Variants in SLC35F4 observed in about 807,000 individuals in gnomAD.
SLC35F4 encodes the protein chromosome 14 open reading frame 36.
A neutral mutation model predicts 44.2 loss-of-function variants in SLC35F4; 24 were observed. The observed-to-expected ratio is 0.54, with a 90% CI of 0.39 to 0.76. The LOEUF is 0.76. Among genes scored for constraint, SLC35F4 ranks in the 30% least tolerant of loss-of-function variants. The probability of loss-of-function intolerance (pLI) is 0.00; values close to 1 mark genes in which losing one functional copy is unlikely to be tolerated. For missense variants in SLC35F4, 562 were observed against 586.1 expected (o/e 0.96, Z 0.42); for synonymous variants, 238 against 223.6 (o/e 1.06, Z -0.57).
At chr14:57,648,586 G>A (rs1375721648) in intron 1 of SLC35F4, among the ~76,000 whole-genome samples, 11 of 152,070 alleles carry the variant, frequency 7.2e-5, no homozygotes, top group Admixed American at 6.6e-5. Flanking sequence ...AGGCTTCTCT[G>A]CAAAACTATA....
intron 1 of SLC35F4, among the ~76,000 whole-genome samples, chr14:57,791,200 C>T (rs796403239): frequency 3.5e-4 from 54 of 152,220 alleles, no homozygotes; most frequent in African/African-American, 1.3e-3. Flanking sequence ...AACAGGCAAT[C>T]TACAGAATGG....
At chr14:57,591,971 T>C (rs2070214513) in intron 2 of SLC35F4, among the ~76,000 whole-genome samples, 1 of 152,240 alleles carries the variant, frequency 6.6e-6, no homozygotes, top group Admixed American at 6.5e-5. Context: ...CACCTTTTCA[T>C]AGTATTGACT....
rs142447541 is a variant in SLC35F4, at chr14:57,684,632, G to C, written c.104-90508C>G. Among the ~76,000 whole-genome samples, 1,412 of 152,294 alleles carry C rather than the reference G, an allele frequency of 9.3e-3. 13 individuals carry two copies. The highest frequency in any genetic ancestry group is 0.014 in the Non-Finnish European group (971 of 68,028). On this transcript the variant is annotated intron_variant, in intron 1 of 7. Coordinates refer to ENST00000556826, the MANE Select transcript of SLC35F4 (RefSeq NM_001306087.2). ...CAGTGTGCAGCCAGGAGGTTGGGGA[G>C]CCTGGGGGTTTGGAACCTCTGCCCT... is the stretch of plus-strand genomic sequence containing the variant.
intron 1 of SLC35F4, among the ~76,000 whole-genome samples, chr14:57,887,391 G>C (rs1248874915): frequency 1.3e-5 from 2 of 152,128 alleles, no homozygotes; most frequent in Admixed American, 6.5e-5. Flanking sequence ...CAGCTCAACT[G>C]TTCTACAGGT....
At chr14:57,773,110 A>G (rs953447085) in intron 1 of SLC35F4, among the ~76,000 whole-genome samples, 5 of 152,046 alleles carry the variant, frequency 3.3e-5, no homozygotes, top group African/African-American at 2.4e-5. Context: ...GCATTTTTTC[A>G]TGGGTTTGTT....
intron 1 of SLC35F4, among the ~76,000 whole-genome samples, chr14:57,892,553 C>T (rs1038989065): frequency 2.0e-5 from 3 of 152,182 alleles, no homozygotes; most frequent in Admixed American, 6.5e-5. Flanking sequence ...CAGAAACCTG[C>T]CTGGCAGATA....
chr14:57,675,591 C>G (rs2074666583), intron 1 of SLC35F4, among the ~76,000 whole-genome samples: 1 of 151,968 alleles, frequency 6.6e-6, no homozygotes, highest in African/African-American at 2.4e-5. Flanking sequence ...TGTCTTGTTC[C>G]AGTTCTCAGG....
chr14:57,679,528 G>A (rs917828789), intron 1 of SLC35F4, among the ~76,000 whole-genome samples: 2 of 152,042 alleles, frequency 1.3e-5, no homozygotes, highest in South Asian at 2.1e-4. Context: ...TAAGATTAGA[G>A]CAGAACTGAA....
At chr14:57,793,916 C>A (rs866988958) in intron 1 of SLC35F4, among the ~76,000 whole-genome samples, 2 of 152,068 alleles carry the variant, frequency 1.3e-5, no homozygotes, top group Non-Finnish European at 2.9e-5. Flanking sequence ...CAAATACTTA[C>A]AACTAACTGA....
In SLC35F4 at chr14:57,844,817, C is replaced by T. The variant is rs74445390; in HGVS notation, c.103+20906G>A. 7.6e-3 allele frequency among the ~76,000 whole-genome samples: 1,153 copies of T among 152,220 alleles called. 17 individuals carry two copies. Among genetic ancestry groups the T allele is most frequent in the African/African-American group, 0.026 (1,074 of 41,544 alleles). On this transcript the variant is annotated intron_variant, in intron 1 of 7. Coordinates refer to ENST00000556826, the MANE Select transcript of SLC35F4 (RefSeq NM_001306087.2). ...ATCCCCTTGTCCTGACTCTTCACTG[C>T]CCTCCGCCCTCTGTCCATAGAAAAC...
intron 1 of SLC35F4, among the ~76,000 whole-genome samples, chr14:57,771,484 A>C (rs987185007): frequency 1.3e-5 from 2 of 152,352 alleles, no homozygotes; most frequent in Non-Finnish European, 2.9e-5. Flanking sequence ...CAACATAAAA[A>C]AGAAGGTTAA....
intron 1 of SLC35F4, among the ~76,000 whole-genome samples, chr14:57,771,565 T>C (rs1055154031): frequency 6.2e-5 from 2 of 32,078 alleles, no homozygotes; most frequent in East Asian, 2.7e-3. Context: ...ACTTCACAAA[T>C]TTTTTCAACT....
intron 1 of SLC35F4, among the ~76,000 whole-genome samples, chr14:57,844,072 G>GA (rs753775706): frequency 3.9e-5 from 6 of 151,980 alleles, no homozygotes; most frequent in Non-Finnish European, 7.4e-5. Context: ...GAAATCGTAG[G>GA]AAAAAATTAC....
intron 1 of SLC35F4, among the ~76,000 whole-genome samples, chr14:57,658,287 CATA>C (rs1178936150): frequency 1.3e-5 from 2 of 152,138 alleles, no homozygotes; most frequent in East Asian, 1.9e-4. Context: ...AAATATTTTT[CATA>C]ATACTTTATT....
chr14:57,918,038 T>C (rs1480967150), intron 1 of SLC35F4, among the ~76,000 whole-genome samples: 1 of 152,208 alleles, frequency 6.6e-6, no homozygotes, highest in Non-Finnish European at 1.5e-5. Flanking sequence ...CCCAGCAAGA[T>C]TAGGCTCAGC....
chr14:57,961,276 T>G (rs966302329), intron 1 of SLC35F4, among the ~76,000 whole-genome samples: 1 of 152,094 alleles, frequency 6.6e-6, no homozygotes, highest in Non-Finnish European at 1.5e-5. Flanking sequence ...ATTGGCTTAC[T>G]GGGAGGTGTA....
At chr14:57,921,508 A>G (rs1889443643) in intron 1 of SLC35F4, among the ~76,000 whole-genome samples, 1 of 152,220 alleles carries the variant, frequency 6.6e-6, no homozygotes, top group East Asian at 1.9e-4. Flanking sequence ...TTAGTTTGCT[A>G]TGGTTGCCAT....
chr14:57,805,715 A>G (rs1346460279), intron 1 of SLC35F4, among the ~76,000 whole-genome samples: 2 of 152,166 alleles, frequency 1.3e-5, no homozygotes, highest in African/African-American at 2.4e-5. Flanking sequence ...GCAGCAAACC[A>G]CCATGGCACA....
chr14:57,650,670 C>G (rs2073747337), intron 1 of SLC35F4, among the ~76,000 whole-genome samples: 2 of 152,154 alleles, frequency 1.3e-5, no homozygotes, highest in African/African-American at 4.8e-5. Flanking sequence ...TTAGATCATA[C>G]CATTCTCCTG....
Sources: allele counts gnomAD v4.1 joint callset (sites outside exome capture counted in the v4.1 genomes callset), GRCh38; gene constraint gnomAD v4.1.1; transcripts MANE v1.5; gene names NCBI Gene and HGNC (gene_info 2026-07-23, HGNC 2026-07-21).